Variants in ERC1 observed in about 807,000 individuals in gnomAD.
ERC1 encodes the protein ELKS/RAB6-interacting/CAST family member 1.
ERC1 carries 56 observed loss-of-function variants against 132.0 expected under a neutral mutation model. The observed-to-expected ratio is 0.42, with a 90% CI of 0.34 to 0.53. ERC1 has a LOEUF of 0.53. ERC1 is among the 20% of genes least tolerant of loss of function. The pLI, the probability that ERC1 is intolerant of heterozygous loss-of-function variation, is 0.03. For synonymous variants in ERC1, 478 were observed against 476.1 expected, an observed-to-expected ratio of 1.00 and a Z score of -0.05; for missense variants, 1,202 against 1,349.9, an observed-to-expected ratio of 0.89 and a Z score of 1.72.
At chr12:1,272,946 TAAAAAAAAAAAAAAAAA>T (rs56750908) in intron 14 of ERC1, among the ~76,000 whole-genome samples, 29 of 87,802 alleles carry the variant, frequency 3.3e-4, no homozygotes, top group Non-Finnish European at 2.1e-5. Flanking sequence ...AGACTCCGTC[TAAAAAAAAAAAAAAAAA>T]AAAAAAAAAC....
intron 14 of ERC1, among the ~76,000 whole-genome samples, chr12:1,266,694 C>T (rs190344643): frequency 1.5e-4 from 23 of 152,152 alleles, no homozygotes; most frequent in Admixed American, 5.2e-4. Flanking sequence ...TGTAAGTCAC[C>T]GTGCCTGGCC....
rs2077068924 is a variant in ERC1, at chr12:1,260,403, AT to A, written c.2488-2629del. Among the ~76,000 whole-genome samples the A allele has an allele frequency of 2.0e-5, 3 of 152,194 alleles. 1 individual carries two copies. The South Asian group carries it at 6.2e-4, about 32-fold the overall frequency. ...TAAACTTTACAGAAAGAGTATTCATATTATCATCTAAGCACCAAATGATGGA... is the reference window on the plus strand; with the variant it reads ...TAAACTTTACAGAAAGAGTATTCATATATCATCTAAGCACCAAATGATGGA... On this transcript the variant is annotated intron_variant, in intron 13 of 18. Transcript: ENST00000360905.
chr12:1,052,838 C>T (rs968141653), intron 2 of ERC1, among the ~76,000 whole-genome samples: 2 of 152,018 alleles, frequency 1.3e-5, no homozygotes, highest in Admixed American at 6.6e-5. Context: ...GACATGGTGG[C>T]AGGCGCCTGC....
At chr12:1,158,092 T>A (rs1415145693) in intron 8 of ERC1, among the ~76,000 whole-genome samples, 2 of 152,256 alleles carry the variant, frequency 1.3e-5, no homozygotes, top group Non-Finnish European at 2.9e-5. Flanking sequence ...TTGTGCCTAG[T>A]TTCTCCTGTG....
chr12:1,236,973 C>T, intron 13 of ERC1, 69 bp downstream of exon 13: 1 of 1,564,754 alleles, frequency 6.4e-7, no homozygotes, highest in Non-Finnish European at 8.7e-7. Context: ...TGTTGTTTTT[C>T]TCTTCATCTT....
rs918668496 is a variant in ERC1 at position 993,803 on chromosome 12, G to C, written c.-157+2481G>C. ...TGTAATCCCAGCTACTCAGGAGGCT[G>C]AGGCAGAAGAATTGCTTGAGCCTGG... On this transcript the variant is annotated intron_variant, in intron 1 of 18. Transcript: ENST00000360905. Among the ~76,000 whole-genome samples the C allele has an allele frequency of 9.2e-5, 14 of 152,212 alleles. 1 individual carries two copies. The highest frequency in any genetic ancestry group is 1.2e-4 in the Non-Finnish European group (8 of 68,040).
intron 8 of ERC1, among the ~76,000 whole-genome samples, chr12:1,174,312 T>G (rs1953440502): frequency 6.6e-6 from 1 of 152,218 alleles, no homozygotes; most frequent in East Asian, 1.9e-4. Context: ...CTTTTTTTAT[T>G]TTGTGAGATC....
At chr12:1,362,747 T>C (rs1461862120) in intron 15 of ERC1, among the ~76,000 whole-genome samples, 1 of 151,852 alleles carries the variant, frequency 6.6e-6, no homozygotes, top group Non-Finnish European at 1.5e-5. Context: ...AGGTGTAGAG[T>C]TTCTTTTCAG....
intron 15 of ERC1, among the ~76,000 whole-genome samples, chr12:1,322,115 C>T (rs961102568): frequency 7.0e-6 from 1 of 142,922 alleles, no homozygotes; most frequent in East Asian, 1.9e-4. Flanking sequence ...TAAGTGTCCT[C>T]GTGCTCACGC....
At chr12:1,132,858 T>G (rs1179039036) in intron 7 of ERC1, among the ~76,000 whole-genome samples, 1 of 151,374 alleles carries the variant, frequency 6.6e-6, no homozygotes, top group Non-Finnish European at 1.5e-5. Flanking sequence ...AATGTGGGTT[T>G]TTTTTTTTTT....
chr12:1,398,930 CTTTTTTTTTTTTTT>C (rs1162145460), intron 16 of ERC1, among the ~76,000 whole-genome samples: 6 of 93,892 alleles, frequency 6.4e-5, no homozygotes, highest in Admixed American at 5.9e-4. Context: ...TTTTCTCCTA[CTTTTTTTTTTTTTT>C]TTTTTTTTTT....
chr12:1,263,619 A>G (rs887310207), intron 14 of ERC1, among the ~76,000 whole-genome samples: 5 of 152,232 alleles, frequency 3.3e-5, no homozygotes, highest in Admixed American at 6.5e-5. Context: ...TCTGTCTGCT[A>G]CAAGACTGGG....
Position 1,183,274 on chromosome 12 carries a change from C to T in ERC1, c.2017-7C>T. The T allele has an allele frequency of 6.5e-7, 1 of 1,534,350 alleles. No individual in the cohort carries two copies. The highest frequency in any genetic ancestry group is 8.8e-7 in the Non-Finnish European group (1 of 1,133,784). On this transcript the variant is annotated splice_polypyrimidine_tract_variant and splice_region_variant and intron_variant, in intron 10 of 18. Coordinates refer to ENST00000360905, the MANE Select transcript of ERC1 (RefSeq NM_178040.4). The stretch of plus-strand genomic sequence containing the variant: ...TATTTATTCTAGATGTGTGTTCCTT[C>T]TTTTAGGCTTCACTTTTGGATCTGA...
At chr12:1,450,250 A>G (rs896413693) in intron 18 of ERC1, among the ~76,000 whole-genome samples, 1 of 152,218 alleles carries the variant, frequency 6.6e-6, no homozygotes, top group Non-Finnish European at 1.5e-5. Context: ...AACGTAAACT[A>G]TCACCACCAT....
chr12:1,486,590 A>G (rs980234752), intron 18 of ERC1, among the ~76,000 whole-genome samples: 4 of 151,750 alleles, frequency 2.6e-5, no homozygotes, highest in African/African-American at 7.3e-5. Context: ...ATGCCCAGCT[A>G]TTTTTTGTAT....
chr12:1,411,544 G>A (rs929337753), intron 17 of ERC1, among the ~76,000 whole-genome samples: 3 of 152,154 alleles, frequency 2.0e-5, no homozygotes, highest in Non-Finnish European at 4.4e-5. Flanking sequence ...AAGTTGAAAC[G>A]CACTGGGTCA....
chr12:1,479,299 CG>C (rs1480393551), intron 18 of ERC1, among the ~76,000 whole-genome samples: 1 of 152,078 alleles, frequency 6.6e-6, no homozygotes, highest in African/African-American at 2.4e-5. Context: ...GGAATCAGCT[CG>C]TCTATTCACA....
chr12:1,204,991 ACT>A (rs1238487616), intron 12 of ERC1, among the ~76,000 whole-genome samples: 2 of 152,008 alleles, frequency 1.3e-5, no homozygotes, highest in East Asian at 1.9e-4. Context: ...TCATTTTGTG[ACT>A]CTGCTGGGTG....
At chr12:1,325,696 T>C (rs1376160136) in intron 15 of ERC1, among the ~76,000 whole-genome samples, 1 of 152,178 alleles carries the variant, frequency 6.6e-6, no homozygotes, top group African/African-American at 2.4e-5. Context: ...TTTATTCCTC[T>C]TTCTTGAAAG....
Sources: gnomAD v4.1 joint callset for allele counts (sites outside exome capture counted in the v4.1 genomes callset) on GRCh38, gnomAD v4.1.1 for gene constraint, MANE v1.5 for transcripts, NCBI Gene and HGNC (gene_info 2026-07-23, HGNC 2026-07-21) for gene names.